UBR1: variants seen among roughly 807,000 people sequenced by gnomAD.
The protein encoded by UBR1 is ubiquitin protein ligase E3 component n-recognin 1.
Under a neutral mutation model 242.1 loss-of-function variants are expected in UBR1, and 102 were observed. The ratio of observed to expected loss-of-function variants is 0.42; its 90% CI spans 0.36 to 0.50. UBR1 has a LOEUF of 0.50. Ranked by LOEUF, UBR1 falls within the 20% of genes least tolerant of loss-of-function variation. The pLI is 0.01. For synonymous variants in UBR1, 675 were observed against 684.8 expected, an observed-to-expected ratio of 0.99 and a Z score of 0.22; for missense variants, 1,772 against 2,101.8, an observed-to-expected ratio of 0.84 and a Z score of 3.07.
chr15:43,025,020 A>G, intron 24 of UBR1, 37 bp from the exon 25 acceptor site: 1 of 1,611,054 alleles, frequency 6.2e-7, no homozygotes, highest in Non-Finnish European at 8.5e-7. Context: ...AAAGAGACAA[A>G]CAGGTACATT....
In UBR1 at chr15:43,083,662, G is replaced by A. The variant is rs368106488; in HGVS notation, c.339-946C>T. ...CTCCCAAAGTGCTGGGATTACAGGC[G>A]TGAGCCTCTGCACCTGGCCAGGATT... On this transcript the variant is annotated intron_variant, in intron 2 of 46. Coordinates refer to ENST00000290650, the MANE Select transcript of UBR1 (RefSeq NM_174916.3). Among the ~76,000 whole-genome samples the A allele has an allele frequency of 7.9e-5, 12 of 152,102 alleles. No individual in the cohort carries two copies. The South Asian group carries it at 1.2e-3, about 16-fold the overall frequency.
chr15:42,982,735 G>A (rs2032396000), intron 37 of UBR1, among the ~76,000 whole-genome samples: 1 of 149,142 alleles, frequency 6.7e-6, no homozygotes, highest in African/African-American at 2.5e-5. Flanking sequence ...TATTTTGCTG[G>A]AAAAAAAAAA....
intron 12 of UBR1, 83 bp downstream of exon 12, chr15:43,054,659 G>T: frequency 1.3e-6 from 2 of 1,485,084 alleles, no homozygotes; most frequent in South Asian, 1.1e-5. Flanking sequence ...TAACCAAAAT[G>T]ATCACAGGAT....
Position 43,077,353 on chromosome 15 carries a change from C to G in UBR1, c.418-2264G>C, listed in dbSNP as rs567940898. Among the ~76,000 whole-genome samples, 18 of 151,784 alleles carry G rather than the reference C, an allele frequency of 1.2e-4. No individual in the cohort carries two copies. The East Asian group carries it at 3.3e-3, about 28-fold the overall frequency. On this transcript the variant is annotated intron_variant, in intron 3 of 46. Transcript: ENST00000290650. ...GATCCTGTTGATCTGTGACCTTATC[C>G]CCAACCTTGTGCTCTCTGAAACATG...
intron 43 of UBR1, among the ~76,000 whole-genome samples, chr15:42,958,554 A>T (rs1464051042): frequency 6.6e-6 from 1 of 152,232 alleles, no homozygotes; most frequent in African/African-American, 2.4e-5. Context: ...GAAACATTAC[A>T]TTAAATGAAC....
chr15:43,041,294 G>A (rs945477530), intron 15 of UBR1, among the ~76,000 whole-genome samples: 4 of 152,110 alleles, frequency 2.6e-5, no homozygotes, highest in Non-Finnish European at 4.4e-5. Context: ...CCCTTTGTAG[G>A]GACATGAATG....
At chr15:42,975,276 C>T (rs1421448816) in intron 39 of UBR1, among the ~76,000 whole-genome samples, 1 of 152,176 alleles carries the variant, frequency 6.6e-6, no homozygotes, top group African/African-American at 2.4e-5. Flanking sequence ...AAAAATGCTA[C>T]ACTATAGCCA....
intron 25 of UBR1, among the ~76,000 whole-genome samples, chr15:43,023,400 T>G (rs2033135782): frequency 6.6e-6 from 1 of 151,838 alleles, no homozygotes; most frequent in Non-Finnish European, 1.5e-5. Context: ...ATGACCAGCC[T>G]GGTCAACATG....
chr15:43,012,814 G>C (rs745943340), intron 29 of UBR1, among the ~76,000 whole-genome samples: 1 of 152,042 alleles, frequency 6.6e-6, no homozygotes, highest in Non-Finnish European at 1.5e-5. Flanking sequence ...TATGGTCCTT[G>C]TTAGCATACT....
intron 29 of UBR1, among the ~76,000 whole-genome samples, chr15:43,014,657 A>G (rs1331449237): frequency 7.0e-6 from 1 of 142,272 alleles, no homozygotes; most frequent in Non-Finnish European, 1.5e-5. Context: ...CGCCCCTTCT[A>G]AGAAGTGAGG....
intron 39 of UBR1, among the ~76,000 whole-genome samples, chr15:42,975,987 G>A (rs1484040208): frequency 1.3e-5 from 2 of 152,046 alleles, no homozygotes; most frequent in African/African-American, 4.8e-5. Context: ...CAAAGTACTG[G>A]GATTACAAGC....
rs777521212 is a variant in UBR1, at chr15:43,015,865, G to C, written c.3032C>G (p.Thr1011Ser). ...GSESIKNDEI[T>S]HDKEKAERKR... ...TCGTTCTGCTTTTTCTTTATCATGA[G>C]TAATCTGGGTATTAAGAAATGACAA... The change falls in exon 29 of 47, where the codon ACT becomes AGT. Residue 1011 changes from threonine to serine, a missense_variant. Physicochemically the swap from Thr to Ser is moderately conservative, Grantham distance 58. Around this residue, in one of 3 missense-constraint regions of UBR1, gnomAD observed 965 missense variants for 1,079.7 expected, o/e 0.89. Coordinates refer to ENST00000290650, the MANE Select transcript of UBR1 (RefSeq NM_174916.3). 66 of 1,613,638 alleles carry C rather than the reference G, an allele frequency of 4.1e-5. No individual in the cohort carries two copies. The highest frequency in any genetic ancestry group is 5.5e-5 in the Non-Finnish European group (65 of 1,179,934).
At chr15:42,970,894 G>C (rs969703797) in intron 39 of UBR1, among the ~76,000 whole-genome samples, 2 of 152,066 alleles carry the variant, frequency 1.3e-5, no homozygotes, top group Non-Finnish European at 2.9e-5. Flanking sequence ...AGCTAATTTT[G>C]TATTTTTAGT....
At chr15:43,017,394 G>C (rs2033042073) in intron 27 of UBR1, among the ~76,000 whole-genome samples, 1 of 152,246 alleles carries the variant, frequency 6.6e-6, no homozygotes, top group Admixed American at 6.5e-5. Context: ...ACTGGTAGCA[G>C]AATCAGCAGA....
At position 43,026,550 on chromosome 15, in the gene UBR1, C is replaced by G; in HGVS notation, c.2535+11G>C. ...TTAGGTTTATTTACTGAAAAGGATA[C>G]TTTTTTCTACCTTGCTATGCTGGGT... On this transcript the variant is annotated intron_variant, in intron 23 of 46. Coordinates refer to ENST00000290650, the MANE Select transcript of UBR1 (RefSeq NM_174916.3). 1 of 1,610,008 alleles carries G rather than the reference C, an allele frequency of 6.2e-7. No individual in the cohort carries two copies. Among genetic ancestry groups the G allele is most frequent in the Non-Finnish European group, 8.5e-7 (1 of 1,177,028 alleles).
intron 16 of UBR1, 52 bp downstream of exon 16, chr15:43,038,119 A>C (rs372454735): frequency 3.1e-5 from 48 of 1,570,168 alleles, no homozygotes; most frequent in Non-Finnish European, 4.1e-5. Context: ...ATCAACCAAG[A>C]GATATTCAGA....
Position 43,067,992 on chromosome 15 carries a change from T to C in UBR1, c.704A>G (p.His235Arg), listed in dbSNP as rs895218250. 2 of 1,612,532 alleles carry C rather than the reference T, an allele frequency of 1.2e-6. No individual in the cohort carries two copies. Among genetic ancestry groups the C allele is most frequent in the Admixed American group, 3.3e-5 (2 of 59,848 alleles). The change falls in exon 6 of 47, where the codon CAC (histidine) becomes CGC (arginine). Residue 235 changes from histidine (H) to arginine (R), a missense_variant. Around this residue, in one of 3 missense-constraint regions of UBR1, gnomAD observed 734 missense variants for 893.3 expected, o/e 0.82. Transcript: ENST00000290650. ...GTATATGACGTGGTCATATGAATGG[T>C]GTTCATCATTGAAAAGGACACAATA... ...RYYCVLFNDE[H>R]HSYDHVIYSL...
Position 43,015,846 on chromosome 15 carries a change from T to C in UBR1, c.3051A>G (p.Ala1017=), listed in dbSNP as rs202222288. The change falls in exon 29 of 47, where the codon GCA becomes GCG. Residue 1017 remains alanine (A), a synonymous_variant. Coordinates refer to ENST00000290650, the MANE Select transcript of UBR1 (RefSeq NM_174916.3). ...CAGCTTCAGCTTTTCTTTTTCGTTCTGCTTTTTCTTTATCATGAGTAATCT... is the reference window on the plus strand; with the variant it reads ...CAGCTTCAGCTTTTCTTTTTCGTTCCGCTTTTTCTTTATCATGAGTAATCT... ...NDEITHDKEK[A]ERKRKAEAAR... 7.4e-6 allele frequency: 12 copies of C among 1,614,082 alleles called. No homozygotes were observed. The African/African-American group carries it at 1.6e-4, about 22-fold the overall frequency.
chr15:43,078,050 G>C (rs913744717), intron 3 of UBR1, among the ~76,000 whole-genome samples: 2 of 152,184 alleles, frequency 1.3e-5, no homozygotes, highest in Non-Finnish European at 2.9e-5. Context: ...GGTGCAGATA[G>C]CAAGAGAAGG....
Sources: allele counts gnomAD v4.1 joint callset (sites outside exome capture counted in the v4.1 genomes callset), GRCh38; gene constraint gnomAD v4.1.1; regional missense constraint gnomAD v4.1.1; transcripts MANE v1.5; gene names NCBI Gene and HGNC (gene_info 2026-07-23, HGNC 2026-07-21).